C11orf58: variants seen among roughly 807,000 people sequenced by gnomAD.
The protein encoded by C11orf58 is small acidic protein.
In C11orf58, 5 loss-of-function variants were observed where a neutral mutation model predicts 22.7. The ratio of observed to expected loss-of-function variants is 0.22; its 90% CI spans 0.12 to 0.46. The LOEUF (loss-of-function observed/expected upper bound fraction) is 0.46. Ranked by LOEUF, C11orf58 falls within the 20% of genes least tolerant of loss-of-function variation. The probability of loss-of-function intolerance (pLI) is 0.99; values close to 1 mark genes in which losing one functional copy is unlikely to be tolerated. For missense variants in C11orf58, 151 were observed against 223.3 expected (o/e 0.68, Z 2.06); for synonymous variants, 71 against 70.7 (o/e 1.00, Z -0.02).
chr11:16,744,607 T>C lies in C11orf58; in HGVS notation c.70T>C (p.Ser24Pro). 1 of 1,613,768 alleles carries C rather than the reference T, an allele frequency of 6.2e-7. No homozygotes were observed. The highest frequency in any genetic ancestry group is 8.5e-7 in the Non-Finnish European group (1 of 1,179,838). The change falls in exon 2 of 5, where the codon TCT (serine) becomes CCT (proline). Residue 24 changes from serine to proline, a missense_variant. Around this residue, in one of 3 missense-constraint regions of C11orf58, gnomAD observed 34 missense variants for 36.5 expected, o/e 0.93. Transcript: ENST00000228136. ...CAACCAATTTTTTTTCTAGCTGGGATCTAGCAATTGGGAGGCAGCAGACTT... is the reference window on the plus strand; with the variant it reads ...CAACCAATTTTTTTTCTAGCTGGGACCTAGCAATTGGGAGGCAGCAGACTT... The part of the protein sequence containing the change: ...RSASPDDDLG[S>P]SNWEAADLGN...
At chr11:16,753,841 G>T in intron 4 of C11orf58, 1 of 453,226 alleles carries the variant, frequency 2.2e-6, no homozygotes, top group South Asian at 4.4e-5. Flanking sequence ...CTGGGATATA[G>T]GCCTGCACCA....
rs1422791234 is a variant in C11orf58, at chr11:16,755,083, T to C, written c.531T>C (p.Phe177=). Residue 177 remains phenylalanine (F), a synonymous_variant, in exon 5 of 5, where the codon TTT becomes TTC. Coordinates refer to ENST00000228136, the MANE Select transcript of C11orf58 (RefSeq NM_014267.6). ...CAAAAAGCAATTATAAAATGATGTT[T>C]GTTAAATCCAGTGGTTCATAACTCC... ...KDAKSNYKMM[F]VKSSGS The C allele has an allele frequency of 6.2e-7, 1 of 1,614,082 alleles. No individual in the cohort carries two copies. The highest frequency in any genetic ancestry group is 2.2e-5 in the East Asian group (1 of 44,880).
chr11:16,740,249 A>C (rs1450412812), intron 1 of C11orf58, among the ~76,000 whole-genome samples: 1 of 152,238 alleles, frequency 6.6e-6, no homozygotes, highest in Non-Finnish European at 1.5e-5. Context: ...AATATCTTTT[A>C]GCGTGACAGA....
At chr11:16,746,587 A>G (rs959429245) in intron 2 of C11orf58, 1 of 152,256 alleles carries the variant, frequency 6.6e-6, no homozygotes, top group Non-Finnish European at 1.5e-5. Context: ...GCCATATTCA[A>G]CTTAGTAGAA....
At chr11:16,754,547 CTTTTTTT>C (rs573626223) in intron 4 of C11orf58, among the ~76,000 whole-genome samples, 21 of 31,484 alleles carry the variant, frequency 6.7e-4, no homozygotes, top group East Asian at 3.0e-3. Flanking sequence ...CTCTCTCTCC[CTTTTTTT>C]TTTTTTTTTT....
At chr11:16,753,391 GTC>G (rs777555078) in intron 4 of C11orf58, among the ~76,000 whole-genome samples, 3 of 151,400 alleles carry the variant, frequency 2.0e-5, no homozygotes, top group African/African-American at 7.3e-5. Context: ...TTTGGAGACA[GTC>G]TCTCTCTGTT....
At position 16,744,472 on chromosome 11, in the gene C11orf58, A is replaced by T. The variant is rs933432547; in HGVS notation, c.64-129A>T. ...GATGAATATGCTTAACTTCCTAAGC[A>T]AGAAAAATGAACGCTGTTTATAGTT... On this transcript the variant is annotated intron_variant, in intron 1 of 4. Transcript: ENST00000228136. The T allele has an allele frequency of 7.3e-6, 5 of 680,756 alleles. No individual in the cohort carries two copies. In the African/African-American group the frequency reaches 9.1e-5, roughly 12 times the overall value. The allele number at this position is 680,756 out of a possible 1,614,324, so 42.2% of individuals were successfully genotyped here. A position where few individuals can be genotyped will look rare whatever the true frequency, so the allele number is the denominator to read the frequency against.
At chr11:16,738,927 C>G in intron 1 of C11orf58, 86 bp downstream of exon 1, 5 of 1,445,582 alleles carry the variant, frequency 3.5e-6, no homozygotes, top group Non-Finnish European at 4.8e-6. Flanking sequence ...GAGGACGCGC[C>G]TGAGGTGGCC....
At chr11:16,752,397 G>A (rs1332090971) in intron 3 of C11orf58, 1 of 153,782 alleles carries the variant, frequency 6.5e-6, no homozygotes, top group Non-Finnish European at 1.4e-5. Flanking sequence ...ATAAAGAAGA[G>A]TCAGTACATG....
chr11:16,740,859 C>T (rs910607464), intron 1 of C11orf58, among the ~76,000 whole-genome samples: 3 of 150,516 alleles, frequency 2.0e-5, no homozygotes, highest in African/African-American at 7.3e-5. Flanking sequence ...TTTGGGAGGC[C>T]AAGGCAGGCG....
At position 16,757,109 on chromosome 11, in the gene C11orf58, A is replaced by G. The variant is rs1022729643; in HGVS notation, c.*2005A>G. On this transcript the variant is annotated 3_prime_UTR_variant, in exon 5 of 5. Coordinates refer to ENST00000228136, the MANE Select transcript of C11orf58 (RefSeq NM_014267.6). Reference sequence around the variant, plus strand: ...CTATAGTAAAATATTGAATCACTTTATAGTAGACAATACATATGACATTTA... The same window carrying G: ...CTATAGTAAAATATTGAATCACTTTGTAGTAGACAATACATATGACATTTA... Among the ~76,000 whole-genome samples, 1 of 145,028 alleles carries G rather than the reference A, an allele frequency of 6.9e-6. No homozygotes were observed. Among genetic ancestry groups the G allele is most frequent in the Non-Finnish European group, 1.5e-5 (1 of 65,124 alleles).
rs1848568709 is a variant in C11orf58, at chr11:16,755,378, T to C, written c.*274T>C. The C allele has an allele frequency of 4.1e-6, 1 of 244,512 alleles. No individual in the cohort carries two copies. The highest frequency in any genetic ancestry group is 7.9e-6 in the Non-Finnish European group (1 of 127,034). The allele number at this position is 244,512 out of a possible 1,614,324, so 15.1% of individuals were successfully genotyped here. On this transcript the variant is annotated 3_prime_UTR_variant, in exon 5 of 5. Transcript: ENST00000228136. ...GCATCATCAACCCTCTAATTCACCT[T>C]ATGGGGGAAATGCTTCTTTTTGTTT...
chr11:16,744,246 A>G (rs1039931515), intron 1 of C11orf58: 4 of 199,022 alleles, frequency 2.0e-5, no homozygotes, highest in East Asian at 1.3e-4. Context: ...AGCATCAGCA[A>G]TCATTTAAGA....
Position 16,738,797 on chromosome 11 carries a change from T to C in C11orf58, c.19T>C (p.Ser7Pro). MSAARESHPHGVKRSAS... is the reference protein window; with the variant it reads MSAAREPHPHGVKRSAS... ...CGCAAGGATGAGTGCTGCCAGAGAG[T>C]CTCACCCGCATGGGGTGAAGCGTTC... Residue 7 changes from serine (S) to proline (P), a missense_variant, in exon 1 of 5, where the codon TCT (serine) becomes CCT (proline). This residue lies in a region of C11orf58 where 34 missense variants were observed against 36.5 expected (regional missense o/e 0.93). Transcript: ENST00000228136. 1.2e-6 allele frequency: 2 copies of C among 1,612,354 alleles called. No individual in the cohort carries two copies. Among genetic ancestry groups the C allele is most frequent in the Non-Finnish European group, 1.7e-6 (2 of 1,179,570 alleles).
Position 16,755,005 on chromosome 11 carries a change from C to G in C11orf58, c.453C>G (p.Leu151=), listed in dbSNP as rs1322715793. 6.8e-6 allele frequency: 11 copies of G among 1,613,934 alleles called. No individual in the cohort carries two copies. The highest frequency in any genetic ancestry group is 9.3e-6 in the Non-Finnish European group (11 of 1,180,020). Residue 151 remains leucine, a synonymous_variant, in exon 5 of 5, where the codon CTC becomes CTG. Transcript: ENST00000228136. The part of the protein sequence containing the change: ...ESEKEESAEE[L]QAAEHPDEVE... ...AGAAAGAAGAATCTGCTGAAGAACT[C>G]CAAGCTGCTGAGCACCCTGATGAAG...
intron 3 of C11orf58, chr11:16,751,177 C>T (rs1245011845): frequency 1.3e-5 from 2 of 152,058 alleles, no homozygotes; most frequent in South Asian, 4.1e-4. Flanking sequence ...ACTGGCAGCA[C>T]ATTTCGTTGA....
At chr11:16,740,737 A>AT (rs1564882518) in intron 1 of C11orf58, among the ~76,000 whole-genome samples, 8 of 150,590 alleles carry the variant, frequency 5.3e-5, no homozygotes, top group African/African-American at 1.2e-4. Flanking sequence ...TTAAAAAAAA[A>AT]ATTTTTTTAA....
intron 3 of C11orf58, among the ~76,000 whole-genome samples, chr11:16,748,880 C>G (rs997634514): frequency 1.3e-5 from 2 of 152,070 alleles, no homozygotes; most frequent in African/African-American, 4.8e-5. Flanking sequence ...TAACCTTTTT[C>G]TGTCTCCATT....
chr11:16,743,035 G>A (rs1848459942), intron 1 of C11orf58, among the ~76,000 whole-genome samples: 1 of 152,120 alleles, frequency 6.6e-6, no homozygotes, highest in Non-Finnish European at 1.5e-5. Flanking sequence ...TCTCGGATTT[G>A]CATCATCAAA....
Sources: allele counts gnomAD v4.1 joint callset (sites outside exome capture counted in the v4.1 genomes callset), GRCh38; gene constraint gnomAD v4.1.1; regional missense constraint gnomAD v4.1.1; transcripts MANE v1.5; gene names NCBI Gene and HGNC (gene_info 2026-07-23, HGNC 2026-07-21).